The following COL18A1 variants were observed in gnomAD, a reference collection of about 807,000 sequenced individuals.
COL18A1 encodes collagen alpha-1(XVIII) chain.
Under a neutral mutation model 168.0 loss-of-function variants are expected in COL18A1, and 133 were observed. The observed-to-expected ratio is 0.79, with a 90% CI of 0.69 to 0.91. The LOEUF (loss-of-function observed/expected upper bound fraction) is 0.91, where lower values mean the gene tolerates loss of function less well. Among genes scored for constraint, COL18A1 ranks in the 40% least tolerant of loss-of-function variants. The probability of loss-of-function intolerance (pLI) is 0.00; values close to 1 mark genes in which losing one functional copy is unlikely to be tolerated. For synonymous variants in COL18A1, 949 were observed against 809.0 expected, an observed-to-expected ratio of 1.17 and a Z score of -2.94; for missense variants, 2,126 against 1,925.4, an observed-to-expected ratio of 1.10 and a Z score of -1.95.
chr21:45,508,411 AGTGGATGAATGG>A (rs1602639353), intron 38 of COL18A1, among the ~76,000 whole-genome samples: 2 of 111,764 alleles, frequency 1.8e-5, no homozygotes, highest in Non-Finnish European at 3.5e-5. Flanking sequence ...TAGGTAGATG[AGTGGATGAATGG>A]GTGGATGGAT....
Position 45,409,551 on chromosome 21 carries a change from G to A in COL18A1, c.106+4078G>A, listed in dbSNP as rs555547089. Among the ~76,000 whole-genome samples, 18 of 152,216 alleles carry A rather than the reference G, an allele frequency of 1.2e-4. No individual in the cohort carries two copies. In the East Asian group the frequency reaches 2.7e-3, roughly 23 times the overall value. On this transcript the variant is annotated intron_variant, in intron 2 of 41. Coordinates refer to ENST00000651438, the MANE Select transcript of COL18A1 (RefSeq NM_001379500.1). The stretch of plus-strand genomic sequence containing the variant: ...CAGAATGACTGGGCAGCTGAGACCC[G>A]CCTGCTGGGAGCCTTGCCAGGGCCA...
chr21:45,496,246 C>G, intron 29 of COL18A1: 1 of 686,664 alleles, frequency 1.5e-6, no homozygotes, highest in Non-Finnish European at 2.7e-6. Context: ...ACCTGAGACG[C>G]AGACCCGGTG....
chr21:45,478,375 A>T (rs547563867), intron 9 of COL18A1, 22 bp downstream of exon 9: 1 of 1,613,510 alleles, frequency 6.2e-7, no homozygotes, highest in Admixed American at 1.7e-5. Flanking sequence ...TTTCTTTCTG[A>T]CCCCTGTGTT....
intron 2 of COL18A1, among the ~76,000 whole-genome samples, chr21:45,449,133 C>T (rs569771146): frequency 2.0e-5 from 3 of 152,352 alleles, no homozygotes; most frequent in South Asian, 2.1e-4. Context: ...CTGCCCGGCT[C>T]ATGACCCTTC....
chr21:45,500,395 T>C (rs1602576919), intron 32 of COL18A1, among the ~76,000 whole-genome samples: 3 of 96,932 alleles, frequency 3.1e-5, no homozygotes, highest in Non-Finnish European at 6.1e-5. Context: ...GTGGAGTGTG[T>C]GTATGTGGGT....
chr21:45,500,282 G>A (rs114668173), intron 32 of COL18A1, among the ~76,000 whole-genome samples: 749 of 51,004 alleles, frequency 0.015, 53 homozygotes, highest in African/African-American at 0.073. Flanking sequence ...GTGTGTAGTG[G>A]GGGTGTGTGG....
rs1375229520 is a variant in COL18A1, at chr21:45,457,513, C to A, written c.107-10729C>A. On this transcript the variant is annotated intron_variant, in intron 2 of 41. Coordinates refer to ENST00000651438, the MANE Select transcript of COL18A1 (RefSeq NM_001379500.1). This position sits in a 1 kb window ranked among gnomAD's most constrained non-coding sequence, Gnocchi z 4.6. Reference sequence around the variant, plus strand: ...GGGCCCAGGGGACGTTGCCCCATCACCGTGTGGCCTGGCCTTGTTGCTGGC... The same window carrying A: ...GGGCCCAGGGGACGTTGCCCCATCAACGTGTGGCCTGGCCTTGTTGCTGGC... Among the ~76,000 whole-genome samples the A allele has an allele frequency of 1.3e-5, 2 of 152,188 alleles. No individual in the cohort carries two copies. Among genetic ancestry groups the A allele is most frequent in the African/African-American group, 4.8e-5 (2 of 41,442 alleles).
Position 45,510,168 on chromosome 21 carries a change from C to A in COL18A1, c.3600C>A (p.Gly1200=), listed in dbSNP as rs780524877. The part of the protein sequence containing the change: ...FQQARAVGLA[G]TFRAFLSSRL... ...AGGCGCGGGCCGTGGGGCTGGCGGG[C>A]ACCTTCCGCGCCTTCCTGTCCTCGC... Residue 1200 remains glycine (G), a synonymous_variant, in exon 40 of 42, where the codon GGC becomes GGA. Coordinates refer to ENST00000651438, the MANE Select transcript of COL18A1 (RefSeq NM_001379500.1). The A allele has an allele frequency of 4.3e-5, 69 of 1,595,748 alleles. 9 individuals are homozygous for A. The South Asian group carries it at 7.4e-4, about 17-fold the overall frequency.
chr21:45,479,805 C>T, intron 9 of COL18A1, 97 bp from the exon 10 acceptor site: 1 of 1,542,858 alleles, frequency 6.5e-7, no homozygotes, highest in Non-Finnish European at 8.8e-7. Flanking sequence ...GGGCTCAGCT[C>T]CCGTCCGTCC....
At position 45,480,523 on chromosome 21, in the gene COL18A1, G is replaced by A. The variant is rs748096473; in HGVS notation, c.1452+3G>A. ...GGGGCGATCTGGAGGCCCTGCGGGT[G>A]AGTGGCCCTTAAACTGCAGCGCTGC... On this transcript the variant is annotated splice_donor_region_variant and intron_variant, in intron 12 of 41. Coordinates refer to ENST00000651438, the MANE Select transcript of COL18A1 (RefSeq NM_001379500.1). 7 of 1,614,004 alleles carry A rather than the reference G, an allele frequency of 4.3e-6. No homozygotes were observed. The South Asian group carries it at 6.6e-5, about 15-fold the overall frequency.
At chr21:45,509,934 T>TG in intron 39 of COL18A1, 130 bp from the exon 40 acceptor site, 1 of 1,075,334 alleles carries the variant, frequency 9.3e-7, no homozygotes, top group South Asian at 1.6e-5. Flanking sequence ...GTGTGTCACT[T>TG]GCGCGCCTCC....
At chr21:45,458,348 C>T (rs2034918340) in intron 2 of COL18A1, among the ~76,000 whole-genome samples, 1 of 151,384 alleles carries the variant, frequency 6.6e-6, no homozygotes, top group Non-Finnish European at 1.5e-5. Context: ...GGCTGGAGCT[C>T]TCTGAGGCAG....
At chr21:45,510,370 A>G in intron 40 of COL18A1, 109 bp downstream of exon 40, 1 of 1,259,450 alleles carries the variant, frequency 7.9e-7, no homozygotes, top group Non-Finnish European at 1.1e-6. Context: ...CCACCATGTT[A>G]CAGACACTGG....
At chr21:45,491,897 G>T (rs2036366438) in intron 22 of COL18A1, among the ~76,000 whole-genome samples, 1 of 152,024 alleles carries the variant, frequency 6.6e-6, no homozygotes, top group Non-Finnish European at 1.5e-5. Context: ...GCAGGGCCCA[G>T]GGCAGCAGAG....
At chr21:45,444,217 G>A (rs553841600) in intron 2 of COL18A1, among the ~76,000 whole-genome samples, 1 of 152,318 alleles carries the variant, frequency 6.6e-6, no homozygotes, top group Non-Finnish European at 1.5e-5. Context: ...CTTTGTGCCA[G>A]GTTTTGTTCT....
intron 11 of COL18A1, 49 bp from the exon 12 acceptor site, chr21:45,480,418 G>T (rs2236465): frequency 1.2e-6 from 2 of 1,613,664 alleles, no homozygotes; most frequent in Non-Finnish European, 8.5e-7. Context: ...AGTAGGCCAG[G>T]CGGGGGGCCG....
Position 45,457,210 on chromosome 21 carries a change from A to T in COL18A1, c.107-11032A>T, listed in dbSNP as rs1186786672. Among the ~76,000 whole-genome samples the T allele has an allele frequency of 6.6e-6, 1 of 152,130 alleles. No individual in the cohort carries two copies. Among genetic ancestry groups the T allele is most frequent in the Non-Finnish European group, 1.5e-5 (1 of 68,004 alleles). On this transcript the variant is annotated intron_variant, in intron 2 of 41. Coordinates refer to ENST00000651438, the MANE Select transcript of COL18A1 (RefSeq NM_001379500.1). The surrounding 1 kb of genome is among the most constrained non-coding windows in gnomAD (Gnocchi z 4.6). ...GCCCCGAGTCACAGAGGGGAAACTG[A>T]GGCGTGGGGCAGTGGCGTGACTCAC...
chr21:45,419,361 G>A (rs546443258), intron 2 of COL18A1, among the ~76,000 whole-genome samples: 77 of 151,944 alleles, frequency 5.1e-4, no homozygotes, highest in African/African-American at 1.2e-3. Flanking sequence ...GCGCGATGCC[G>A]TGTGTGGTGA....
At chr21:45,448,638 G>A (rs2034554842) in intron 2 of COL18A1, among the ~76,000 whole-genome samples, 1 of 152,246 alleles carries the variant, frequency 6.6e-6, no homozygotes, top group South Asian at 2.1e-4. Flanking sequence ...CGTGTCCCAA[G>A]AACAAGGACA....
Sources: gnomAD v4.1 joint callset for allele counts (sites outside exome capture counted in the v4.1 genomes callset) on GRCh38, gnomAD v4.1.1 for gene constraint, Gnocchi (gnomAD v3.1) non-coding constraint, MANE v1.5 for transcripts, NCBI Gene and HGNC (gene_info 2026-07-23, HGNC 2026-07-21) for gene names.